Variants in SYNDIG1 observed in about 807,000 individuals in gnomAD.
SYNDIG1 encodes the protein synapse differentiation inducing 1, also known as synapse differentiation-inducing gene protein 1.
Under a neutral mutation model 19.4 loss-of-function variants are expected in SYNDIG1, and 9 were observed. The ratio of observed to expected loss-of-function variants is 0.46; its 90% confidence interval spans 0.28 to 0.81. The LOEUF (loss-of-function observed/expected upper bound fraction) is 0.81. Ranked by LOEUF, SYNDIG1 falls within the 30% of genes least tolerant of loss-of-function variation. SYNDIG1 has a pLI of 0.12. For missense variants in SYNDIG1, 311 were observed against 343.3 expected, an observed-to-expected ratio of 0.91 and a Z score of 0.74; for synonymous variants, 141 against 145.9, an observed-to-expected ratio of 0.97 and a Z score of 0.24.
At chr20:24,632,978 A>G (rs1221373920) in intron 3 of SYNDIG1, among the ~76,000 whole-genome samples, 2 of 151,394 alleles carry the variant, frequency 1.3e-5, no homozygotes, top group Non-Finnish European at 2.9e-5. Flanking sequence ...GTTTTGGTCA[A>G]TAAAGTTACC....
chr20:24,569,808 G>A (rs1413987013), intron 2 of SYNDIG1, among the ~76,000 whole-genome samples: 1 of 152,196 alleles, frequency 6.6e-6, no homozygotes, highest in Non-Finnish European at 1.5e-5. Context: ...ATAAGATGAA[G>A]CGATGGGTGG....
At chr20:24,599,744 A>G (rs915316118) in intron 3 of SYNDIG1, among the ~76,000 whole-genome samples, 1 of 152,240 alleles carries the variant, frequency 6.6e-6, no homozygotes, top group African/African-American at 2.4e-5. Flanking sequence ...GGCAAATACT[A>G]CCTGCTCTCA....
intron 3 of SYNDIG1, among the ~76,000 whole-genome samples, chr20:24,610,451 C>T (rs889598191): frequency 3.3e-5 from 5 of 152,090 alleles, no homozygotes; most frequent in African/African-American, 9.7e-5. Context: ...GCTCTGCACA[C>T]GGGGGGGCGA....
rs149399571 is a variant in SYNDIG1 at position 24,581,946 on chromosome 20, C to T, written c.481-2910C>T. On this transcript the variant is annotated intron_variant, in intron 2 of 3. Coordinates refer to ENST00000376862, the MANE Select transcript of SYNDIG1 (RefSeq NM_024893.3). ...GTACGTCCTCCCACCTGCACATCCT[C>T]CCTGCTGCACGTCCTCCCCACTGCA... 1.8e-4 allele frequency among the ~76,000 whole-genome samples: 27 copies of T among 151,090 alleles called. No homozygotes were observed. In the East Asian group the frequency reaches 5.1e-3, roughly 29 times the overall value.
chr20:24,626,408 C>T (rs1485520872), intron 3 of SYNDIG1, among the ~76,000 whole-genome samples: 12 of 151,584 alleles, frequency 7.9e-5, no homozygotes, highest in Admixed American at 4.6e-4. Context: ...GGGTCGTGGC[C>T]GGGCCGAGGC....
At chr20:24,531,200 A>G (rs1421284462) in intron 1 of SYNDIG1, among the ~76,000 whole-genome samples, 3 of 152,170 alleles carry the variant, frequency 2.0e-5, no homozygotes, top group Non-Finnish European at 4.4e-5. Context: ...ATGGTCTTAT[A>G]TGTTAAATAT....
chr20:24,553,958 A>G (rs2057760353), intron 2 of SYNDIG1, among the ~76,000 whole-genome samples: 1 of 152,184 alleles, frequency 6.6e-6, no homozygotes. Flanking sequence ...ATGTTCTTCC[A>G]TTTGTTTGTA....
At chr20:24,594,494 C>T (rs1207952845) in intron 3 of SYNDIG1, among the ~76,000 whole-genome samples, 1 of 152,026 alleles carries the variant, frequency 6.6e-6, no homozygotes, top group Non-Finnish European at 1.5e-5. Flanking sequence ...CTTAGGATTG[C>T]CTTGGCTATT....
intron 1 of SYNDIG1, among the ~76,000 whole-genome samples, chr20:24,534,941 C>G (rs1274226355): frequency 6.6e-6 from 1 of 152,234 alleles, no homozygotes; most frequent in Non-Finnish European, 1.5e-5. Context: ...CACCTCTGCT[C>G]TGAAGAGCTG....
chr20:24,594,779 T>C (rs1194105744), intron 3 of SYNDIG1, among the ~76,000 whole-genome samples: 4 of 152,214 alleles, frequency 2.6e-5, no homozygotes, highest in Non-Finnish European at 5.9e-5. Context: ...TTTATTCTAT[T>C]CGTGGCTATT....
At chr20:24,617,939 G>A (rs1568688870) in intron 3 of SYNDIG1, among the ~76,000 whole-genome samples, 4 of 149,200 alleles carry the variant, frequency 2.7e-5, no homozygotes, top group African/African-American at 7.4e-5. Flanking sequence ...CGGGGAGTGG[G>A]GAGAGCCTGG....
intron 1 of SYNDIG1, among the ~76,000 whole-genome samples, chr20:24,542,062 T>C (rs1342387495): frequency 6.6e-6 from 1 of 152,208 alleles, no homozygotes; most frequent in Admixed American, 6.5e-5. Context: ...AACCAGTCTG[T>C]GTTGAAAGAG....
rs1477214561 is a variant in SYNDIG1, at chr20:24,631,312, C to T, written c.619-34034C>T. 3.9e-5 allele frequency among the ~76,000 whole-genome samples: 6 copies of T among 152,298 alleles called. No individual in the cohort carries two copies. The East Asian group carries it at 7.7e-4, about 20-fold the overall frequency. On this transcript the variant is annotated intron_variant, in intron 3 of 3. Coordinates refer to ENST00000376862, the MANE Select transcript of SYNDIG1 (RefSeq NM_024893.3). ...GTGGAAGATGAAATGGTGACTCCTG[C>T]GGCGGGCATTGCCATGCGTCAGGGT...
intron 1 of SYNDIG1, among the ~76,000 whole-genome samples, chr20:24,535,177 C>T (rs553224161): frequency 3.0e-4 from 45 of 152,328 alleles, no homozygotes; most frequent in Non-Finnish European, 1.5e-5. Flanking sequence ...GGAACCATTG[C>T]CAGTTCTGAA....
At chr20:24,630,375 C>T (rs554896828) in intron 3 of SYNDIG1, among the ~76,000 whole-genome samples, 24 of 152,288 alleles carry the variant, frequency 1.6e-4, no homozygotes, top group African/African-American at 5.1e-4. Flanking sequence ...TCTGAAGTTT[C>T]CTTAGAAACA....
At chr20:24,625,130 G>T (rs894528423) in intron 3 of SYNDIG1, among the ~76,000 whole-genome samples, 1 of 152,046 alleles carries the variant, frequency 6.6e-6, no homozygotes, top group African/African-American at 2.4e-5. Context: ...CTACCTTAGG[G>T]CACTAGAGAA....
chr20:24,535,238 C>T (rs2057338020), intron 1 of SYNDIG1, among the ~76,000 whole-genome samples: 1 of 152,194 alleles, frequency 6.6e-6, no homozygotes, highest in South Asian at 2.1e-4. Context: ...TGTGTAGACA[C>T]CTCCTGGTGA....
chr20:24,623,148 CAGCTTGGGTG>C (rs1183351800), intron 3 of SYNDIG1, among the ~76,000 whole-genome samples: 3 of 147,304 alleles, frequency 2.0e-5, no homozygotes, highest in African/African-American at 7.5e-5. Context: ...CCCTGCACTC[CAGCTTGGGTG>C]ACAGAGCAAG....
At chr20:24,640,092 G>A (rs1435515379) in intron 3 of SYNDIG1, among the ~76,000 whole-genome samples, 1 of 152,122 alleles carries the variant, frequency 6.6e-6, no homozygotes, top group Non-Finnish European at 1.5e-5. Flanking sequence ...CCAGCACTTT[G>A]GAAGGCCAAG....
Sources: allele counts gnomAD v4.1 joint callset (sites outside exome capture counted in the v4.1 genomes callset), GRCh38; gene constraint gnomAD v4.1.1; transcripts MANE v1.5; gene names NCBI Gene and HGNC (gene_info 2026-07-23, HGNC 2026-07-21).